The following SYT11 variants were observed in gnomAD, a reference collection of about 807,000 sequenced individuals.
The protein encoded by SYT11 is synaptotagmin-11.
A neutral mutation model predicts 30.4 loss-of-function variants in SYT11; 12 were observed. The observed-to-expected ratio is 0.39, with a 90% CI of 0.25 to 0.64. The LOEUF is 0.64. SYT11 is among the 30% of genes least tolerant of loss of function. The pLI, the probability that SYT11 is intolerant of heterozygous loss-of-function variation, is 0.45. For missense variants in SYT11, 412 were observed against 552.0 expected, an observed-to-expected ratio of 0.75 and a Z score of 2.54; for synonymous variants, 204 against 216.0, an observed-to-expected ratio of 0.94 and a Z score of 0.49.
Position 155,876,993 on chromosome 1 carries a change from G to A in SYT11, c.862-3507G>A, listed in dbSNP as rs1308122609. 4.3e-5 allele frequency among the ~76,000 whole-genome samples: 6 copies of A among 138,734 alleles called. No individual in the cohort carries two copies. In the Admixed American group the frequency reaches 4.8e-4, roughly 11 times the overall value. 91.0% of individuals were successfully genotyped at this position (138,734 alleles called of 152,430 possible). A position where few individuals can be genotyped will look rare whatever the true frequency, so the allele number is the denominator to read the frequency against. ...TTTTTTTTTTTTTTCCTGAGACGGA[G>A]TCTTGCTCTGTTGCCCAAGCTGGAG... On this transcript the variant is annotated intron_variant, in intron 2 of 3. Coordinates refer to ENST00000368324, the MANE Select transcript of SYT11 (RefSeq NM_152280.5).
In SYT11 at chr1:155,881,674, A is replaced by G. The variant is rs1209244187; in HGVS notation, c.*166A>G. 9.0e-6 allele frequency: 5 copies of G among 556,002 alleles called. No individual in the cohort carries two copies. The African/African-American group carries it at 9.5e-5, about 11-fold the overall frequency. The allele number at this position is 556,002 out of a possible 1,614,324, so 34.4% of individuals were successfully genotyped here. A position where few individuals can be genotyped will look rare whatever the true frequency, so the allele number is the denominator to read the frequency against. ...CCCTATATGACCACAGCTGCAGATCAGTTCTTAGCAATGATGTTTTTTTTT... is the reference window on the plus strand; with the variant it reads ...CCCTATATGACCACAGCTGCAGATCGGTTCTTAGCAATGATGTTTTTTTTT... On this transcript the variant is annotated 3_prime_UTR_variant, in exon 4 of 4. Transcript: ENST00000368324.
intron 2 of SYT11, among the ~76,000 whole-genome samples, chr1:155,874,605 A>T (rs569959296): frequency 8.7e-5 from 13 of 149,850 alleles, no homozygotes; most frequent in Non-Finnish European, 1.5e-4. Context: ...AAAAATAAAA[A>T]TAAGGCCGGG....
At chr1:155,876,540 C>T (rs1016110056) in intron 2 of SYT11, among the ~76,000 whole-genome samples, 1 of 151,782 alleles carries the variant, frequency 6.6e-6, no homozygotes, top group Admixed American at 6.6e-5. Context: ...GCCACTGCAC[C>T]CGGCCAAAAC....
At chr1:155,879,924 T>A (rs182469175) in intron 2 of SYT11, among the ~76,000 whole-genome samples, 6 of 152,346 alleles carry the variant, frequency 3.9e-5, no homozygotes, top group Non-Finnish European at 5.9e-5. Context: ...CTGGGCATGG[T>A]GGCTTATGCC....
intron 2 of SYT11, among the ~76,000 whole-genome samples, chr1:155,875,472 CA>C (rs1422266855): frequency 6.6e-6 from 1 of 151,344 alleles, no homozygotes; most frequent in African/African-American, 2.4e-5. Flanking sequence ...GGCACAATTT[CA>C]GCTCACTGCA....
At position 155,859,725 on chromosome 1, in the gene SYT11, T is replaced by C; in HGVS notation, c.-37T>C. ...GAGGGTTCCCAGAGCTGTCTCACCA[T>C]TGCAAAAACGTTATAGCAACAGCCT... On this transcript the variant is annotated 5_prime_UTR_variant, in exon 1 of 4. Coordinates refer to ENST00000368324, the MANE Select transcript of SYT11 (RefSeq NM_152280.5). 5.0e-6 allele frequency: 8 copies of C among 1,611,780 alleles called. No individual in the cohort carries two copies. The highest frequency in any genetic ancestry group is 5.9e-6 in the Non-Finnish European group (7 of 1,177,838).
rs184847672 is a variant in SYT11, at chr1:155,866,554, A to G, written c.35-1411A>G. On this transcript the variant is annotated intron_variant, in intron 1 of 3. Transcript: ENST00000368324. ...ATATTCTAGTGAAGATAAATAATAAATTGTAAAATAATATGCGTGTGGGTG... is the reference window on the plus strand; with the variant it reads ...ATATTCTAGTGAAGATAAATAATAAGTTGTAAAATAATATGCGTGTGGGTG... Among the ~76,000 whole-genome samples the G allele has an allele frequency of 6.6e-5, 10 of 152,334 alleles. No homozygotes were observed. In the East Asian group the frequency reaches 1.9e-3, roughly 29 times the overall value.
chr1:155,880,538 A>G lies in SYT11; in HGVS notation c.900A>G (p.Ser300=), dbSNP rs144353480. The G allele has an allele frequency of 2.0e-5, 32 of 1,614,026 alleles. No homozygotes were observed. In the African/African-American group the frequency reaches 3.2e-4, roughly 16 times the overall value. ...ISRGELQVSL[S]YQPVAQRMTV... ...GAGGGGAGCTCCAGGTGTCTCTGTC[A>G]TATCAGCCTGTGGCACAGAGAATGA... Residue 300 remains serine, a synonymous_variant, in exon 3 of 4, where the codon TCA becomes TCG. Coordinates refer to ENST00000368324, the MANE Select transcript of SYT11 (RefSeq NM_152280.5).
At chr1:155,861,421 A>T (rs1454916674) in intron 1 of SYT11, among the ~76,000 whole-genome samples, 1 of 152,180 alleles carries the variant, frequency 6.6e-6, no homozygotes, top group Non-Finnish European at 1.5e-5. Context: ...TAATATAGTG[A>T]TTTCTCTTAG....
Position 155,868,846 on chromosome 1 carries a change from CAG to C in SYT11, c.861+56_861+57del, listed in dbSNP as rs1193218799. The C allele has an allele frequency of 1.6e-5, 24 of 1,523,180 alleles. No homozygotes were observed. Among genetic ancestry groups the C allele is most frequent in the Non-Finnish European group, 2.1e-5 (24 of 1,121,190 alleles). 94.4% of individuals were successfully genotyped at this position (1,523,180 alleles called of 1,614,324 possible). ...TGGTAGGTTGGGGGAGAAAATATCT[CAG>C]GGGATAAATGGAAGTGGGAGGGGAG... On this transcript the variant is annotated intron_variant, in intron 2 of 3. Transcript: ENST00000368324. The surrounding 1 kb of genome is among the most constrained non-coding windows in gnomAD (Gnocchi z 4.7).
chr1:155,867,416 C>T (rs1276836867), intron 1 of SYT11, among the ~76,000 whole-genome samples: 1 of 152,088 alleles, frequency 6.6e-6, no homozygotes, highest in South Asian at 2.1e-4. Flanking sequence ...AGTACATAAA[C>T]CCAGAATTCT....
intron 2 of SYT11, among the ~76,000 whole-genome samples, chr1:155,870,524 A>G (rs1672764914): frequency 6.6e-6 from 1 of 152,236 alleles, no homozygotes; most frequent in African/African-American, 2.4e-5. Flanking sequence ...GGCCACTAGA[A>G]ACAACTGCAC....
intron 2 of SYT11, among the ~76,000 whole-genome samples, chr1:155,872,169 C>T (rs11582176): frequency 0.026 from 4,002 of 152,268 alleles, 65 homozygotes; most frequent in Non-Finnish European, 0.039. Flanking sequence ...AAGGCCAAGG[C>T]GGGAAGCCCA....
At chr1:155,877,040 T>G (rs1182424615) in intron 2 of SYT11, among the ~76,000 whole-genome samples, 13 of 149,782 alleles carry the variant, frequency 8.7e-5, no homozygotes, top group Admixed American at 2.0e-4. Flanking sequence ...CAATCTCGGC[T>G]CACTGCAAGC....
At position 155,868,164 on chromosome 1, in the gene SYT11, G is replaced by A. The variant is rs1672714831; in HGVS notation, c.234G>A (p.Val78=). Residue 78 remains valine, a synonymous_variant, in exon 2 of 4, where the codon GTG becomes GTA. Transcript: ENST00000368324. This position sits in a 1 kb window ranked among gnomAD's most constrained non-coding sequence, Gnocchi z 4.7. ...TLSNKKKIIK[V]RRDKDGPGRE... ...GCAACAAGAAGAAAATCATCAAAGT[G>A]CGGAGAGACAAAGATGGTCCTGGGA... is the stretch of plus-strand genomic sequence containing the variant. 1 of 1,614,172 alleles carries A rather than the reference G, an allele frequency of 6.2e-7. No homozygotes were observed. The highest frequency in any genetic ancestry group is 1.6e-4 in the Middle Eastern group (1 of 6,062).
At position 155,862,042 on chromosome 1, in the gene SYT11, T is replaced by C. The variant is rs1464849028; in HGVS notation, c.34+2247T>C. On this transcript the variant is annotated intron_variant, in intron 1 of 3. Coordinates refer to ENST00000368324, the MANE Select transcript of SYT11 (RefSeq NM_152280.5). ...AAGGGGGTGTCAATAAAAGCAGTTC[T>C]GGTCAGAAGCTGAAGGAGCTGGCCA... 2.0e-5 allele frequency among the ~76,000 whole-genome samples: 3 copies of C among 152,228 alleles called. No individual in the cohort carries two copies. The East Asian group carries it at 5.8e-4, about 29-fold the overall frequency.
rs746955768 is a variant in SYT11, at chr1:155,868,778, A to G, written c.848A>G (p.Lys283Arg). Residue 283 changes from lysine (K) to arginine (R), a missense_variant, in exon 2 of 4, where the codon AAA (lysine) becomes AGA (arginine). Coordinates refer to ENST00000368324, the MANE Select transcript of SYT11 (RefSeq NM_152280.5). The surrounding 1 kb of genome is among the most constrained non-coding windows in gnomAD (Gnocchi z 4.7). ...GTACAACTGACCAGGGACATCATCA[A>G]AAGGAATATCCAGGTGAGTAGGAAG... is the stretch of plus-strand genomic sequence containing the variant. ...GKVQLTRDII[K>R]RNIQKCISRG... 3.1e-6 allele frequency: 5 copies of G among 1,613,072 alleles called. No homozygotes were observed. Among genetic ancestry groups the G allele is most frequent in the Admixed American group, 3.3e-5 (2 of 59,960 alleles).
chr1:155,881,126 A>G (rs1672952998), intron 3 of SYT11, 72 bp from the exon 4 acceptor site: 4 of 1,485,970 alleles, frequency 2.7e-6, no homozygotes, highest in Non-Finnish European at 3.6e-6. Flanking sequence ...CCCAACATGA[A>G]ATTACCATTA....
chr1:155,862,244 G>A (rs758227527), intron 1 of SYT11, among the ~76,000 whole-genome samples: 6 of 152,182 alleles, frequency 3.9e-5, no homozygotes, highest in East Asian at 1.9e-4. Flanking sequence ...CAAAAGGAGC[G>A]AGAAGCACAG....
Sources: allele counts gnomAD v4.1 joint callset (sites outside exome capture counted in the v4.1 genomes callset), GRCh38; gene constraint gnomAD v4.1.1; non-coding constraint Gnocchi (gnomAD v3.1); transcripts MANE v1.5; gene names NCBI Gene and HGNC (gene_info 2026-07-23, HGNC 2026-07-21).